SPON1: variants seen among roughly 807,000 people sequenced by gnomAD.
The protein encoded by SPON1 is spondin 1.
In SPON1, 52 loss-of-function variants were observed where a neutral mutation model predicts 111.7. That is an observed-to-expected ratio of 0.47 (90% CI 0.37 to 0.59). SPON1 has a LOEUF of 0.59. Among genes scored for constraint, SPON1 ranks in the 20% least tolerant of loss-of-function variants. The pLI is 0.00. For synonymous variants in SPON1, 410 were observed against 395.8 expected, an observed-to-expected ratio of 1.04 and a Z score of -0.43; for missense variants, 957 against 1,068.5, an observed-to-expected ratio of 0.90 and a Z score of 1.46.
At chr11:14,150,330 G>A (rs1268181035) in intron 6 of SPON1, among the ~76,000 whole-genome samples, 2 of 151,830 alleles carry the variant, frequency 1.3e-5, no homozygotes, top group Non-Finnish European at 2.9e-5. Flanking sequence ...GTCAGGGGAT[G>A]GTGAGAGGTT....
intron 6 of SPON1, among the ~76,000 whole-genome samples, chr11:14,172,512 T>G (rs1468934477): frequency 6.6e-6 from 1 of 152,066 alleles, no homozygotes; most frequent in East Asian, 1.9e-4. Context: ...AATATTGTTA[T>G]GTGTGAATTT....
chr11:14,145,792 G>A (rs1847710553), intron 6 of SPON1, among the ~76,000 whole-genome samples: 1 of 152,084 alleles, frequency 6.6e-6, no homozygotes, highest in Non-Finnish European at 1.5e-5. Flanking sequence ...ATCAATAGGG[G>A]TCATATTAGA....
chr11:14,015,670 G>A (rs1424840237), intron 2 of SPON1, among the ~76,000 whole-genome samples: 1 of 152,200 alleles, frequency 6.6e-6, no homozygotes, highest in African/African-American at 2.4e-5. Context: ...TGTTAACTAT[G>A]GGTAAATTTA....
At chr11:14,161,630 A>G (rs1249047915) in intron 6 of SPON1, among the ~76,000 whole-genome samples, 1 of 151,990 alleles carries the variant, frequency 6.6e-6, no homozygotes, top group Admixed American at 6.6e-5. Flanking sequence ...GAGCACTTAC[A>G]TTAACCCAAA....
chr11:14,137,084 C>G (rs1847601502), intron 6 of SPON1, among the ~76,000 whole-genome samples: 1 of 152,166 alleles, frequency 6.6e-6, no homozygotes, highest in South Asian at 2.1e-4. Context: ...ACATCAGGGT[C>G]AAGGGCATCT....
chr11:14,138,903 C>T (rs1338133626), intron 6 of SPON1, among the ~76,000 whole-genome samples: 1 of 152,046 alleles, frequency 6.6e-6, no homozygotes, highest in Non-Finnish European at 1.5e-5. Flanking sequence ...TCAATCTGCC[C>T]TCATCACCAC....
chr11:14,190,644 CT>C (rs67284211), intron 6 of SPON1, among the ~76,000 whole-genome samples: 46,700 of 130,146 alleles, frequency 0.36, 6,914 homozygotes, highest in East Asian at 0.5. Flanking sequence ...TTTTCTTTTT[CT>C]TTTTTTTTTT....
intron 5 of SPON1, among the ~76,000 whole-genome samples, chr11:14,092,272 A>C (rs782139479): frequency 3.3e-5 from 5 of 152,244 alleles, no homozygotes; most frequent in Non-Finnish European, 7.3e-5. Flanking sequence ...GCCAGAGTTA[A>C]TGTCAATACA....
chr11:14,099,085 C>G (rs1554924166), intron 5 of SPON1, among the ~76,000 whole-genome samples: 1 of 152,156 alleles, frequency 6.6e-6, no homozygotes, highest in East Asian at 1.9e-4. Context: ...TCCTCACCCC[C>G]AAGTTATCCA....
intron 2 of SPON1, among the ~76,000 whole-genome samples, chr11:14,032,299 C>A (rs1291163219): frequency 7.0e-6 from 1 of 143,640 alleles, no homozygotes; most frequent in Non-Finnish European, 1.6e-5. Flanking sequence ...TGATCAGGAA[C>A]GTTTGTTTCA....
chr11:14,200,277 G>T (rs771714603), intron 6 of SPON1, among the ~76,000 whole-genome samples: 1 of 152,148 alleles, frequency 6.6e-6, no homozygotes, highest in Non-Finnish European at 1.5e-5. Flanking sequence ...GTTATCAATT[G>T]TTAAGATCTC....
intron 6 of SPON1, among the ~76,000 whole-genome samples, chr11:14,238,161 G>A (rs1263170809): frequency 3.3e-5 from 5 of 152,158 alleles, no homozygotes; most frequent in Admixed American, 3.3e-4. Context: ...AATAATTATT[G>A]TTTTATTATT....
intron 6 of SPON1, among the ~76,000 whole-genome samples, chr11:14,178,820 G>T (rs1554933407): frequency 6.6e-6 from 1 of 152,066 alleles, no homozygotes. Flanking sequence ...GTAAGTGTCG[G>T]ATTCATTTTA....
At chr11:13,979,824 T>G (rs1205719694) in intron 1 of SPON1, among the ~76,000 whole-genome samples, 2 of 152,174 alleles carry the variant, frequency 1.3e-5, no homozygotes, top group Non-Finnish European at 2.9e-5. Flanking sequence ...TGTTTGTTAC[T>G]TTGTCCTCTG....
At chr11:14,230,371 C>T (rs1407500449) in intron 6 of SPON1, among the ~76,000 whole-genome samples, 5 of 152,100 alleles carry the variant, frequency 3.3e-5, no homozygotes, top group African/African-American at 1.2e-4. Flanking sequence ...ATAACACCTG[C>T]GTCAGACATT....
intron 6 of SPON1, among the ~76,000 whole-genome samples, chr11:14,212,086 A>G (rs558111874): frequency 1.3e-5 from 2 of 152,084 alleles, no homozygotes; most frequent in South Asian, 4.2e-4. Context: ...AGATTATGTC[A>G]TCTAATGTTA....
In SPON1 at chr11:14,075,384, T is replaced by G; in HGVS notation, c.519T>G (p.Asp173Glu). The change falls in exon 4 of 16, where the codon GAT becomes GAG. Residue 173 changes from aspartate to glutamate, a missense_variant. Around this residue, in one of 5 missense-constraint regions of SPON1, gnomAD observed 262 missense variants for 253.9 expected, o/e 1.03. Transcript: ENST00000576479. ...AAAAACGCATTATTTATTTTCAAGA[T>G]GAGGGCTCTCTGACCAAGAAACTTT... ...IVQKRIIYFQDEGSLTKKLCE... is the reference protein window; with the variant it reads ...IVQKRIIYFQEEGSLTKKLCE... 1.3e-6 allele frequency: 2 copies of G among 1,560,632 alleles called. No homozygotes were observed. Among genetic ancestry groups the G allele is most frequent in the South Asian group, 1.2e-5 (1 of 84,552 alleles).
At chr11:14,029,990 C>T (rs1338738665) in intron 2 of SPON1, among the ~76,000 whole-genome samples, 2 of 152,170 alleles carry the variant, frequency 1.3e-5, no homozygotes, top group Non-Finnish European at 2.9e-5. Context: ...TCTCCTAGGA[C>T]TTTGTATTGT....
At chr11:14,255,066 T>C (rs959302555) in intron 8 of SPON1, among the ~76,000 whole-genome samples, 1 of 152,188 alleles carries the variant, frequency 6.6e-6, no homozygotes, top group Non-Finnish European at 1.5e-5. Flanking sequence ...TCTGATATGA[T>C]CTATTGCATT....
Sources: gnomAD v4.1 joint callset for allele counts (sites outside exome capture counted in the v4.1 genomes callset) on GRCh38, gnomAD v4.1.1 for gene constraint, gnomAD v4.1.1 regional missense constraint, MANE v1.5 for transcripts, NCBI Gene and HGNC (gene_info 2026-07-23, HGNC 2026-07-21) for gene names.